Variants in METTL15 observed in about 807,000 individuals in gnomAD.
The protein encoded by METTL15 is methyltransferase 15, mitochondrial 12S rRNA N4-cytidine, also known as 12S rRNA N(4)-cytidine methyltransferase METTL15.
METTL15 carries 34 observed loss-of-function variants against 38.3 expected under a neutral mutation model. The observed-to-expected ratio is 0.89, with a 90% confidence interval of 0.68 to 1.18. The LOEUF is 1.18. Ranked by LOEUF, METTL15 falls within the 50% of genes most tolerant of loss-of-function variation. The pLI, the probability that METTL15 is intolerant of heterozygous loss-of-function variation, is 0.00. For synonymous variants in METTL15, 162 were observed against 170.9 expected (o/e 0.95, Z 0.41); for missense variants, 438 against 498.4 (o/e 0.88, Z 1.15).
intron 4 of METTL15, among the ~76,000 whole-genome samples, chr11:28,222,978 CA>C (rs1358409426): frequency 6.6e-6 from 1 of 151,958 alleles, no homozygotes; most frequent in African/African-American, 2.4e-5. Flanking sequence ...TGAGGGCAAT[CA>C]AAATAATAAT....
At chr11:28,172,463 C>T (rs879501086) in intron 3 of METTL15, among the ~76,000 whole-genome samples, 1 of 152,120 alleles carries the variant, frequency 6.6e-6, no homozygotes, top group East Asian at 1.9e-4. Flanking sequence ...GTATTACTAA[C>T]TTTTTACTTT....
chr11:28,140,861 C>T (rs1849675035), intron 3 of METTL15, among the ~76,000 whole-genome samples: 1 of 152,166 alleles, frequency 6.6e-6, no homozygotes, highest in Non-Finnish European at 1.5e-5. Flanking sequence ...GGCACTTAGT[C>T]CGCTGCGGGC....
intron 5 of METTL15, among the ~76,000 whole-genome samples, chr11:28,372,789 T>G (rs1324496691): frequency 2.9e-5 from 3 of 103,262 alleles, no homozygotes; most frequent in Non-Finnish European, 5.4e-5. Context: ...CCCACAACAG[T>G]CCCCACAGTG....
At chr11:28,308,417 T>G (rs1024150019) in intron 6 of METTL15, among the ~76,000 whole-genome samples, 1 of 152,156 alleles carries the variant, frequency 6.6e-6, no homozygotes, top group African/African-American at 2.4e-5. Flanking sequence ...TGTGTTATAA[T>G]CTAGGTAAGA....
At chr11:28,339,497 A>G (rs1235858483) in intron 3 of METTL15, among the ~76,000 whole-genome samples, 12 of 151,582 alleles carry the variant, frequency 7.9e-5, no homozygotes, top group Non-Finnish European at 5.9e-5. Context: ...AGAAGGAAAT[A>G]TCTAGAGTAA....
intron 5 of METTL15, among the ~76,000 whole-genome samples, chr11:28,370,729 CT>C: frequency 6.6e-6 from 1 of 151,956 alleles, no homozygotes; most frequent in South Asian, 2.1e-4. Context: ...TATTCCCTGT[CT>C]TTTTTATAGA....
chr11:28,223,161 A>T (rs1301913625), intron 4 of METTL15, among the ~76,000 whole-genome samples: 3 of 152,168 alleles, frequency 2.0e-5, no homozygotes, highest in Non-Finnish European at 4.4e-5. Flanking sequence ...TACAAACTTT[A>T]TATATACATC....
Position 28,498,380 on chromosome 11 carries a change from G to A in METTL15, c.*425-28098G>A, listed in dbSNP as rs1039305669. 3.3e-5 allele frequency among the ~76,000 whole-genome samples: 5 copies of A among 151,960 alleles called. No individual in the cohort carries two copies. In the South Asian group the frequency reaches 6.2e-4, roughly 19 times the overall value. On this transcript the variant is annotated intron_variant and NMD_transcript_variant, in intron 6 of 7. Transcript: ENST00000532947. ...TCACTGTGTTAGCCAGGATGGTCTCGATCTCCTGACCTCGTGATCCGCCCA... is the reference window on the plus strand; with the variant it reads ...TCACTGTGTTAGCCAGGATGGTCTCAATCTCCTGACCTCGTGATCCGCCCA...
At position 28,115,117 on chromosome 11, in the gene METTL15, G is replaced by A. The variant is rs553028616; in HGVS notation, c.270+1513G>A. 1.1e-4 allele frequency among the ~76,000 whole-genome samples: 16 copies of A among 152,200 alleles called. No individual in the cohort carries two copies. In the South Asian group the frequency reaches 2.9e-3, roughly 28 times the overall value. ...CAGACAGTTGACCCTTGAACAATGT[G>A]GGAATTTGGGGTGTTGACCCCTACA... On this transcript the variant is annotated intron_variant, in intron 3 of 6. Transcript: ENST00000407364.
At chr11:28,351,169 T>C (rs1850038509) in intron 3 of METTL15, among the ~76,000 whole-genome samples, 1 of 152,160 alleles carries the variant, frequency 6.6e-6, no homozygotes, top group Non-Finnish European at 1.5e-5. Context: ...TGGAGTGAAG[T>C]GGTGCAATCG....
intron 3 of METTL15, among the ~76,000 whole-genome samples, chr11:28,169,235 A>C (rs1850765707): frequency 6.6e-6 from 1 of 152,160 alleles, no homozygotes; most frequent in Non-Finnish European, 1.5e-5. Flanking sequence ...GTATTCAAAA[A>C]ACTAGATAGG....
intron 3 of METTL15, among the ~76,000 whole-genome samples, chr11:28,189,231 T>C (rs946060182): frequency 1.3e-5 from 2 of 151,358 alleles, no homozygotes; most frequent in African/African-American, 4.8e-5. Flanking sequence ...TTTTGAAATT[T>C]GAGCATATAA....
intron 6 of METTL15, chr11:28,424,419 A>G (rs1199596916): frequency 6.6e-6 from 1 of 152,130 alleles, no homozygotes; most frequent in East Asian, 1.9e-4. Flanking sequence ...ATGGAGGATA[A>G]CCTGAGGTAA....
intron 6 of METTL15, among the ~76,000 whole-genome samples, chr11:28,486,835 T>C (rs1230161658): frequency 1.3e-5 from 2 of 152,188 alleles, no homozygotes; most frequent in East Asian, 3.9e-4. Context: ...GTTCACCTTG[T>C]CAGGAAGAAT....
intron 6 of METTL15, among the ~76,000 whole-genome samples, chr11:28,302,402 A>G (rs910790027): frequency 3.9e-5 from 6 of 152,070 alleles, no homozygotes; most frequent in Non-Finnish European, 7.4e-5. Context: ...TCTTCATCCA[A>G]ACCTCATCTT....
chr11:28,372,864 G>A (rs1850260877), intron 5 of METTL15, among the ~76,000 whole-genome samples: 2 of 141,730 alleles, frequency 1.4e-5, no homozygotes, highest in African/African-American at 5.3e-5. Context: ...GTGAGAATAT[G>A]CGGTGTTTGG....
At chr11:28,338,531 C>G (rs1168217501) in intron 3 of METTL15, among the ~76,000 whole-genome samples, 2 of 152,056 alleles carry the variant, frequency 1.3e-5, no homozygotes, top group Non-Finnish European at 2.9e-5. Flanking sequence ...CATCTTCTCT[C>G]TATTCCGTAG....
chr11:28,181,718 C>T (rs1851296524), intron 3 of METTL15, among the ~76,000 whole-genome samples: 1 of 151,662 alleles, frequency 6.6e-6, no homozygotes, highest in African/African-American at 2.4e-5. Context: ...AATAAACATA[C>T]GTGTGTGCAT....
intron 6 of METTL15, among the ~76,000 whole-genome samples, chr11:28,466,660 G>A (rs1229159998): frequency 1.3e-5 from 2 of 152,190 alleles, no homozygotes; most frequent in East Asian, 3.9e-4. Flanking sequence ...ACATCACGCG[G>A]TGCCTGATTG....
Sources: allele counts gnomAD v4.1 joint callset (sites outside exome capture counted in the v4.1 genomes callset), GRCh38; gene constraint gnomAD v4.1.1; transcripts MANE v1.5; gene names NCBI Gene and HGNC (gene_info 2026-07-23, HGNC 2026-07-21).